Variants in PPP6R3 observed in about 807,000 individuals in gnomAD.
PPP6R3 encodes the protein protein phosphatase 6 regulatory subunit 3.
In PPP6R3, 38 loss-of-function variants were observed where a neutral mutation model predicts 110.7. The ratio of observed to expected loss-of-function variants is 0.34; its 90% CI spans 0.26 to 0.45. The LOEUF (loss-of-function observed/expected upper bound fraction) is 0.45. Among genes scored for constraint, PPP6R3 ranks in the 20% least tolerant of loss-of-function variants. The pLI, the probability that PPP6R3 is intolerant of heterozygous loss-of-function variation, is 1.00. For synonymous variants in PPP6R3, 369 were observed against 373.5 expected (o/e 0.99, Z 0.14); for missense variants, 870 against 1,062.4 (o/e 0.82, Z 2.52).
chr11:68,567,225 A>G (rs1008122642), intron 10 of PPP6R3, 59 bp downstream of exon 10: 28 of 1,461,716 alleles, frequency 1.9e-5, no homozygotes, highest in Non-Finnish European at 2.3e-5. Flanking sequence ...ATGGATATTT[A>G]ACCAAGTTAC....
intron 2 of PPP6R3, among the ~76,000 whole-genome samples, chr11:68,520,864 C>A (rs148753905): frequency 1.3e-5 from 2 of 152,048 alleles, no homozygotes; most frequent in Non-Finnish European, 2.9e-5. Flanking sequence ...CTCCACCTCC[C>A]GGGTTCAAGC....
chr11:68,528,251 GT>G (rs547077379), intron 2 of PPP6R3, among the ~76,000 whole-genome samples: 58 of 152,200 alleles, frequency 3.8e-4, no homozygotes, highest in Admixed American at 3.7e-3. Flanking sequence ...GCAGTTTCAA[GT>G]TGAAACTGGA....
chr11:68,486,167 T>C (rs969605643), intron 1 of PPP6R3, among the ~76,000 whole-genome samples: 1 of 152,152 alleles, frequency 6.6e-6, no homozygotes, highest in Non-Finnish European at 1.5e-5. Flanking sequence ...ATTATTTTTA[T>C]GTATTGATTC....
At chr11:68,468,618 C>T (rs2098766206) in intron 1 of PPP6R3, among the ~76,000 whole-genome samples, 1 of 152,178 alleles carries the variant, frequency 6.6e-6, no homozygotes, top group African/African-American at 2.4e-5. Flanking sequence ...ATAGAGAGGC[C>T]TCGAGGTCTA....
At chr11:68,496,392 A>T (rs1437305473) in intron 1 of PPP6R3, among the ~76,000 whole-genome samples, 5 of 151,702 alleles carry the variant, frequency 3.3e-5, no homozygotes, top group Admixed American at 2.0e-4. Context: ...TCCAGGCTGG[A>T]CGGGGACTCA....
chr11:68,479,009 A>G (rs2098872960), intron 1 of PPP6R3, among the ~76,000 whole-genome samples: 1 of 152,192 alleles, frequency 6.6e-6, no homozygotes, highest in Non-Finnish European at 1.5e-5. Flanking sequence ...GTGTGTATAC[A>G]TTGAACCATC....
At chr11:68,471,836 C>T (rs1314410514) in intron 1 of PPP6R3, among the ~76,000 whole-genome samples, 3 of 151,754 alleles carry the variant, frequency 2.0e-5, no homozygotes, top group Non-Finnish European at 4.4e-5. Context: ...GGAGAGTTGG[C>T]ATCCATGGGC....
chr11:68,551,637 C>T (rs896427353), intron 6 of PPP6R3, among the ~76,000 whole-genome samples: 9 of 152,092 alleles, frequency 5.9e-5, no homozygotes, highest in South Asian at 2.1e-4. Context: ...TACAGGTGCC[C>T]GCCACCACCC....
intron 1 of PPP6R3, among the ~76,000 whole-genome samples, chr11:68,486,098 A>G (rs2098945379): frequency 6.6e-6 from 1 of 151,740 alleles, no homozygotes; most frequent in Admixed American, 6.6e-5. Flanking sequence ...AGCCTTAAAT[A>G]CGGGATAAAT....
intron 3 of PPP6R3, among the ~76,000 whole-genome samples, chr11:68,542,637 A>G (rs1170007762): frequency 1.3e-5 from 2 of 151,856 alleles, no homozygotes; most frequent in Non-Finnish European, 2.9e-5. Context: ...CTGGTGATCC[A>G]TCCATCTTGG....
intron 1 of PPP6R3, among the ~76,000 whole-genome samples, chr11:68,483,937 A>G (rs754585338): frequency 3.3e-5 from 5 of 152,190 alleles, no homozygotes; most frequent in Admixed American, 3.3e-4. Flanking sequence ...TACTGTCTGC[A>G]TAGCTTTGTC....
At chr11:68,518,498 G>C (rs552709240) in intron 1 of PPP6R3, among the ~76,000 whole-genome samples, 2 of 152,180 alleles carry the variant, frequency 1.3e-5, no homozygotes, top group African/African-American at 2.4e-5. Context: ...AGAGGGATTT[G>C]CCATACAGGA....
chr11:68,593,602 A>C (rs1292210660), intron 18 of PPP6R3, among the ~76,000 whole-genome samples: 1 of 152,252 alleles, frequency 6.6e-6, no homozygotes, highest in Non-Finnish European at 1.5e-5. Context: ...AAATCATAAA[A>C]TACAAAAGAA....
At chr11:68,562,109 T>G (rs1340565299) in intron 8 of PPP6R3, among the ~76,000 whole-genome samples, 1 of 152,056 alleles carries the variant, frequency 6.6e-6, no homozygotes, top group Non-Finnish European at 1.5e-5. Flanking sequence ...AGATTGCAAG[T>G]ATGAAGTCAG....
intron 14 of PPP6R3, among the ~76,000 whole-genome samples, chr11:68,581,300 C>G (rs1378397805): frequency 6.6e-6 from 1 of 152,216 alleles, no homozygotes; most frequent in Non-Finnish European, 1.5e-5. Flanking sequence ...GTCACAATGT[C>G]TGGCACATAG....
At position 68,564,447 on chromosome 11, in the gene PPP6R3, T is replaced by C; in HGVS notation, c.975+15T>C. 6.2e-7 allele frequency: 1 copy of C among 1,613,280 alleles called. No individual in the cohort carries two copies. ...AGCCACCCAAGGTAGGGGAGCTATG[T>C]TAAGCATGGCTGCCCAGCGAGTAAT... On this transcript the variant is annotated intron_variant, in intron 9 of 23. Coordinates refer to ENST00000393800, the MANE Select transcript of PPP6R3 (RefSeq NM_001164161.2).
rs778410823 is a variant in PPP6R3, at chr11:68,558,644, G to A, written c.810G>A (p.Gln270=). 6.2e-7 allele frequency: 1 copy of A among 1,612,320 alleles called. No homozygotes were observed. The highest frequency in any genetic ancestry group is 8.5e-7 in the Non-Finnish European group (1 of 1,179,360). ...AGTCAGCCATAGTCAGTGCAATCCA[G>A]ATATTGCTGACTTTACTTGAGACAC... is the stretch of plus-strand genomic sequence containing the variant. ...KNESAIVSAI[Q]ILLTLLETRR... Residue 270 remains glutamine (Q), a synonymous_variant, in exon 8 of 24, where the codon CAG becomes CAA. Coordinates refer to ENST00000393800, the MANE Select transcript of PPP6R3 (RefSeq NM_001164161.2).
chr11:68,531,014 C>T (rs2099235953), intron 2 of PPP6R3, among the ~76,000 whole-genome samples: 1 of 152,150 alleles, frequency 6.6e-6, no homozygotes. Flanking sequence ...ATGGTATGTT[C>T]TGCCTCTGTC....
chr11:68,612,865 G>A (rs1229830274), intron 23 of PPP6R3: 17 of 1,028,796 alleles, frequency 1.7e-5, no homozygotes, highest in East Asian at 1.5e-4. Flanking sequence ...CTGCTCACCC[G>A]GTGATGAAGC....
Sources: allele counts gnomAD v4.1 joint callset (sites outside exome capture counted in the v4.1 genomes callset), GRCh38; gene constraint gnomAD v4.1.1; transcripts MANE v1.5; gene names NCBI Gene and HGNC (gene_info 2026-07-23, HGNC 2026-07-21).